Variants in STARD8 observed in about 807,000 individuals in gnomAD.
The protein encoded by STARD8 is StAR related lipid transfer domain containing 8.
Under a neutral mutation model 69.4 loss-of-function variants are expected in STARD8, and 25 were observed. That is an observed-to-expected ratio of 0.36 (90% CI 0.26 to 0.50). STARD8 has a LOEUF of 0.50. STARD8 is among the 20% of genes least tolerant of loss of function. STARD8 has a pLI of 0.96. For synonymous variants in STARD8, 389 were observed against 374.6 expected, an observed-to-expected ratio of 1.04 and a Z score of -0.45; for missense variants, 921 against 932.5, an observed-to-expected ratio of 0.99 and a Z score of 0.16.
chrX:68,689,585 G>A (rs1157587882), intron 2 of STARD8, among the ~76,000 whole-genome samples: 2 of 112,461 alleles, frequency 1.8e-5, no homozygotes, highest in Non-Finnish European at 3.8e-5. Flanking sequence ...GTCATGAGCC[G>A]CCCCACACCT....
chrX:68,683,153 G>A (rs1439764757), intron 2 of STARD8, among the ~76,000 whole-genome samples: 6 of 111,956 alleles, frequency 5.4e-5, no homozygotes, highest in Non-Finnish European at 1.9e-5. Context: ...TCTTCTAATT[G>A]GAATAAGGCC....
At chrX:68,693,605 TAC>T (rs755790693) in intron 2 of STARD8, 1 of 748,853 alleles carries the variant, frequency 1.3e-6, no homozygotes, top group South Asian at 6.8e-5. Context: ...GGGGCGTCCC[TAC>T]AGCCCTACTC....
chrX:68,682,000 A>ATTT (rs58696444), intron 2 of STARD8, among the ~76,000 whole-genome samples: 1 of 96,145 alleles, frequency 1.0e-5, no homozygotes, highest in Non-Finnish European at 2.1e-5. Flanking sequence ...TTACTCTTCA[A>ATTT]TTTTTTTTTT....
At position 68,657,030 on chromosome X, in the gene STARD8, C is replaced by T. The variant is rs375474457; in HGVS notation, c.46-8469C>T. 2.3e-4 allele frequency among the ~76,000 whole-genome samples: 26 copies of T among 112,128 alleles called. No individual in the cohort carries two copies. In the East Asian group the frequency reaches 6.4e-3, roughly 28 times the overall value. Reference sequence around the variant, plus strand: ...AATTAAAAAAGAAAAAAAGTTACTTCGCCTTTCTGAGCCTTAGTTTCTTGC... The same window carrying T: ...AATTAAAAAAGAAAAAAAGTTACTTTGCCTTTCTGAGCCTTAGTTTCTTGC... On this transcript the variant is annotated intron_variant, in intron 1 of 14. Transcript: ENST00000374599.
At chrX:68,677,850 A>G (rs908728590) in intron 2 of STARD8, among the ~76,000 whole-genome samples, 19 of 58,629 alleles carry the variant, frequency 3.2e-4, no homozygotes, top group Non-Finnish European at 5.2e-4. Flanking sequence ...CACCCCCCCA[A>G]TGTATGATAC....
At chrX:68,654,694 G>A (rs1428260086) in intron 1 of STARD8, among the ~76,000 whole-genome samples, 1 of 110,981 alleles carries the variant, frequency 9.0e-6, no homozygotes, top group Non-Finnish European at 1.9e-5. Context: ...GTTCATATGG[G>A]TGTGAGGTTT....
chrX:68,665,721 C>T (rs913868595), intron 2 of STARD8, among the ~76,000 whole-genome samples, 189 bp downstream of exon 2: 2 of 112,225 alleles, frequency 1.8e-5, no homozygotes, highest in Non-Finnish European at 3.8e-5. Flanking sequence ...TTTTGGCTCA[C>T]GTGCAGAGCC....
At chrX:68,659,061 C>T (rs139311153) in intron 1 of STARD8, among the ~76,000 whole-genome samples, 2 of 111,883 alleles carry the variant, frequency 1.8e-5, no homozygotes, top group African/African-American at 6.5e-5. Flanking sequence ...GGAAATAGGA[C>T]ACTGATCTAA....
chrX:68,716,565 T>C, intron 5 of STARD8, 134 bp downstream of exon 5: 3 of 598,129 alleles, frequency 5.0e-6, no homozygotes, highest in Admixed American at 3.4e-5. Flanking sequence ...TTTCCCCAGC[T>C]AGGGGTAGAG....
chrX:68,676,131 T>C lies in STARD8; in HGVS notation c.79+10599T>C, dbSNP rs767333815. On this transcript the variant is annotated intron_variant, in intron 2 of 14. Transcript: ENST00000374599. ...GTCTGATCATCTGATAGTTGGACAC[T>C]GAATCATGGATGGGTGAAAAAGTTC... 1.1e-3 allele frequency among the ~76,000 whole-genome samples: 122 copies of C among 112,683 alleles called. 1 individual carries two copies. The Middle Eastern group carries it at 0.018, about 17-fold the overall frequency.
At chrX:68,695,074 G>A (rs2079909013) in intron 2 of STARD8, among the ~76,000 whole-genome samples, 1 of 110,364 alleles carries the variant, frequency 9.1e-6, no homozygotes, top group Admixed American at 9.6e-5. Context: ...CCACTCTAGG[G>A]TTTGCCGCCC....
intron 1 of STARD8, among the ~76,000 whole-genome samples, chrX:68,657,473 G>T (rs1015904289): frequency 8.9e-6 from 1 of 112,021 alleles, no homozygotes; most frequent in South Asian, 3.8e-4. Context: ...CTGTCTAGTG[G>T]ATACAAAATG....
At chrX:68,687,887 TTC>T (rs1374207296) in intron 2 of STARD8, among the ~76,000 whole-genome samples, 1 of 112,170 alleles carries the variant, frequency 8.9e-6, no homozygotes, top group African/African-American at 3.2e-5. Context: ...GGGATGGGCG[TTC>T]TCTGTCAGGG....
At chrX:68,715,031 G>A (rs1279299822) in intron 3 of STARD8, among the ~76,000 whole-genome samples, 1 of 111,099 alleles carries the variant, frequency 9.0e-6, no homozygotes, top group Non-Finnish European at 1.9e-5. Context: ...AGCCACCCGG[G>A]GTCTTGGGCC....
chrX:68,688,508 G>GGC (rs1415515172), intron 2 of STARD8, among the ~76,000 whole-genome samples: 4,042 of 107,729 alleles, frequency 0.038, 180 homozygotes, highest in African/African-American at 0.091. Flanking sequence ...TGGAACCTGT[G>GGC]AATGGGAAGG....
chrX:68,664,510 G>A lies in STARD8; in HGVS notation c.46-989G>A, dbSNP rs191124425. 2.5e-3 allele frequency among the ~76,000 whole-genome samples: 277 copies of A among 111,739 alleles called. 1 individual carries two copies. Among genetic ancestry groups the A allele is most frequent in the African/African-American group, 8.0e-3 (246 of 30,741 alleles). On this transcript the variant is annotated intron_variant, in intron 1 of 14. Transcript: ENST00000374599. ...CTTAGCCTCTCATAATTTGGCCTTCGTTTCTCTCTTCACCATCCGCCTGAA... is the reference window on the plus strand; with the variant it reads ...CTTAGCCTCTCATAATTTGGCCTTCATTTCTCTCTTCACCATCCGCCTGAA...
intron 2 of STARD8, among the ~76,000 whole-genome samples, chrX:68,695,758 G>A: frequency 8.9e-6 from 1 of 111,924 alleles, no homozygotes; most frequent in Non-Finnish European, 1.9e-5. Flanking sequence ...AGACTCGAAT[G>A]TTGTCCCTCT....
In STARD8 at chrX:68,724,651, T is replaced by C. The variant is rs1444672299; in HGVS notation, c.*229T>C. The C allele has an allele frequency of 3.0e-6, 1 of 338,398 alleles. No homozygotes were observed. The highest frequency in any genetic ancestry group is 2.6e-5 in the African/African-American group (1 of 38,258). The allele number at this position is 338,398 out of a possible 1,213,427, so 27.9% of individuals were successfully genotyped here. Reference sequence around the variant, plus strand: ...CCCCTTCACCCCCAACCCTGTATTCTACTCTCCCGAAAAGAGAAGAGAATC... The same window carrying C: ...CCCCTTCACCCCCAACCCTGTATTCCACTCTCCCGAAAAGAGAAGAGAATC... On this transcript the variant is annotated 3_prime_UTR_variant, in exon 15 of 15. Coordinates refer to ENST00000374599, the MANE Select transcript of STARD8 (RefSeq NM_001142503.3).
At chrX:68,708,573 G>A (rs1366179926) in intron 2 of STARD8, among the ~76,000 whole-genome samples, 1 of 111,559 alleles carries the variant, frequency 9.0e-6, no homozygotes, top group Non-Finnish European at 1.9e-5. Context: ...GTTTGGCTCT[G>A]AGGCCTGATT....
Sources: allele counts gnomAD v4.1 joint callset (sites outside exome capture counted in the v4.1 genomes callset), GRCh38; gene constraint gnomAD v4.1.1; transcripts MANE v1.5; gene names NCBI Gene and HGNC (gene_info 2026-07-23, HGNC 2026-07-21).